NKAIN2: variants seen among roughly 807,000 people sequenced by gnomAD.
The protein encoded by NKAIN2 is sodium/potassium transporting ATPase interacting 2.
In NKAIN2, 14 loss-of-function variants were observed where a neutral mutation model predicts 32.6. That is an observed-to-expected ratio of 0.43 (90% CI 0.28 to 0.67). The LOEUF (loss-of-function observed/expected upper bound fraction) is 0.67, where lower values mean the gene tolerates loss of function less well. NKAIN2 is among the 30% of genes least tolerant of loss of function. The pLI, the probability that NKAIN2 is intolerant of heterozygous loss-of-function variation, is 0.17. For synonymous variants in NKAIN2, 80 were observed against 87.2 expected, an observed-to-expected ratio of 0.92 and a Z score of 0.46; for missense variants, 198 against 258.3, an observed-to-expected ratio of 0.77 and a Z score of 1.60.
At chr6:124,326,761 T>C (rs998420699) in intron 2 of NKAIN2, among the ~76,000 whole-genome samples, 1 of 152,200 alleles carries the variant, frequency 6.6e-6, no homozygotes, top group African/African-American at 2.4e-5. Context: ...GATTTTCTGG[T>C]AAACAATAAT....
chr6:124,426,923 C>T (rs1379174895), intron 3 of NKAIN2, among the ~76,000 whole-genome samples: 1 of 152,104 alleles, frequency 6.6e-6, no homozygotes, highest in Non-Finnish European at 1.5e-5. Context: ...TTTCACCTTC[C>T]ACCATGATTA....
chr6:124,357,773 T>C (rs1212393360), intron 3 of NKAIN2, among the ~76,000 whole-genome samples: 1 of 151,846 alleles, frequency 6.6e-6, no homozygotes, highest in Non-Finnish European at 1.5e-5. Context: ...AGTTTAGAAC[T>C]TTTCTTTTTT....
intron 1 of NKAIN2, among the ~76,000 whole-genome samples, chr6:123,997,672 T>C (rs796371389): frequency 9.5e-5 from 14 of 147,392 alleles, no homozygotes; most frequent in African/African-American, 3.3e-4. Flanking sequence ...GGCGTGATCT[T>C]GGCTCACTGC....
intron 4 of NKAIN2, among the ~76,000 whole-genome samples, chr6:124,742,109 A>T (rs1323658825): frequency 6.6e-6 from 1 of 151,848 alleles, no homozygotes; most frequent in Non-Finnish European, 1.5e-5. Context: ...TCTGAATCAC[A>T]TGTGCCTCTG....
intron 3 of NKAIN2, among the ~76,000 whole-genome samples, chr6:124,417,052 G>A (rs138583550): frequency 6.6e-6 from 1 of 152,214 alleles, no homozygotes; most frequent in Non-Finnish European, 1.5e-5. Context: ...AAATAATCTT[G>A]TTTTCAATTA....
At position 124,351,636 on chromosome 6, in the gene NKAIN2, T is replaced by G. The variant is rs182968055; in HGVS notation, c.193-3631T>G. ...ATTTATCTATTTATTCATTCGTTTA[T>G]TTTGAGATGAAGTCTTGCGCTGTCA... On this transcript the variant is annotated intron_variant, in intron 2 of 6. Transcript: ENST00000368417. 2.2e-3 allele frequency among the ~76,000 whole-genome samples: 342 copies of G among 152,276 alleles called. 1 individual carries two copies. The highest frequency in any genetic ancestry group is 2.9e-3 in the Admixed American group (45 of 15,294).
intron 4 of NKAIN2, among the ~76,000 whole-genome samples, chr6:124,750,713 C>A (rs1777674345): frequency 6.6e-6 from 1 of 151,770 alleles, no homozygotes; most frequent in Admixed American, 6.6e-5. Context: ...CATTTTTATT[C>A]CTATAGTTAT....
At chr6:124,346,217 G>C (rs895395166) in intron 2 of NKAIN2, among the ~76,000 whole-genome samples, 5 of 152,090 alleles carry the variant, frequency 3.3e-5, no homozygotes, top group African/African-American at 9.7e-5. Context: ...TATAATTTCT[G>C]TTCTTTTACA....
At chr6:124,409,831 T>A (rs1350004959) in intron 3 of NKAIN2, among the ~76,000 whole-genome samples, 1 of 152,170 alleles carries the variant, frequency 6.6e-6, no homozygotes, top group African/African-American at 2.4e-5. Context: ...CCTGGACTTT[T>A]TTTGGTTGGT....
chr6:123,911,795 A>ATGTG (rs1330818928), intron 1 of NKAIN2, among the ~76,000 whole-genome samples: 10 of 102,782 alleles, frequency 9.7e-5, no homozygotes, highest in African/African-American at 4.1e-4. Context: ...ATATATATAT[A>ATGTG]TATATGTATA....
chr6:124,681,876 T>A (rs1229958697), intron 4 of NKAIN2, among the ~76,000 whole-genome samples: 6 of 151,916 alleles, frequency 3.9e-5, no homozygotes, highest in African/African-American at 9.7e-5. Context: ...ATTTAAGAGA[T>A]CATTTAAATG....
At chr6:124,531,981 T>A (rs979037184) in intron 3 of NKAIN2, among the ~76,000 whole-genome samples, 8 of 152,184 alleles carry the variant, frequency 5.3e-5, no homozygotes, top group Admixed American at 2.0e-4. Context: ...TATAAGTCAC[T>A]TTTAAAGTCT....
At chr6:124,762,195 AG>A (rs1778299078) in intron 4 of NKAIN2, among the ~76,000 whole-genome samples, 2 of 152,100 alleles carry the variant, frequency 1.3e-5, no homozygotes, top group Admixed American at 1.3e-4. Context: ...GTTTCTCCTG[AG>A]GCCTCTCTCT....
intron 4 of NKAIN2, among the ~76,000 whole-genome samples, chr6:124,758,525 G>C (rs1298576142): frequency 1.3e-5 from 2 of 152,030 alleles, no homozygotes; most frequent in East Asian, 3.9e-4. Context: ...GCCAGTCTAT[G>C]GTATTTTTGC....
chr6:124,248,478 A>C (rs1793531457), intron 1 of NKAIN2, among the ~76,000 whole-genome samples: 1 of 152,116 alleles, frequency 6.6e-6, no homozygotes. Context: ...ATATACTTCA[A>C]AAGTGAGTTA....
At chr6:124,532,016 A>G (rs1358569639) in intron 3 of NKAIN2, among the ~76,000 whole-genome samples, 9 of 152,188 alleles carry the variant, frequency 5.9e-5, no homozygotes, top group Non-Finnish European at 1.5e-5. Flanking sequence ...TCAGGAGTGC[A>G]GGGCTCAGTC....
At chr6:123,919,325 C>T (rs568945693) in intron 1 of NKAIN2, among the ~76,000 whole-genome samples, 1 of 151,970 alleles carries the variant, frequency 6.6e-6, no homozygotes, top group Non-Finnish European at 1.5e-5. Context: ...GTTTATTTTT[C>T]ACATTTTCCC....
At chr6:124,808,127 C>T (rs1295893154) in intron 5 of NKAIN2, among the ~76,000 whole-genome samples, 1 of 152,002 alleles carries the variant, frequency 6.6e-6, no homozygotes, top group Non-Finnish European at 1.5e-5. Flanking sequence ...CTCCCTAACT[C>T]ACTTTATGAG....
chr6:124,002,927 T>G (rs1779936141), intron 1 of NKAIN2, among the ~76,000 whole-genome samples: 1 of 152,132 alleles, frequency 6.6e-6, no homozygotes, highest in African/African-American at 2.4e-5. Flanking sequence ...CAACTTAAGT[T>G]CTAATGTGAG....
Sources: gnomAD v4.1 joint callset for allele counts (sites outside exome capture counted in the v4.1 genomes callset) on GRCh38, gnomAD v4.1.1 for gene constraint, MANE v1.5 for transcripts, NCBI Gene and HGNC (gene_info 2026-07-23, HGNC 2026-07-21) for gene names.